The following ZNF385D variants were observed in gnomAD, a reference collection of about 807,000 sequenced individuals.
ZNF385D encodes zinc finger protein 385D, also known as zinc finger protein 659.
Under a neutral mutation model 35.8 loss-of-function variants are expected in ZNF385D, and 15 were observed. The observed-to-expected ratio is 0.42, with a 90% CI of 0.28 to 0.64. The LOEUF (loss-of-function observed/expected upper bound fraction) is 0.64, where lower values mean the gene tolerates loss of function less well. Ranked by LOEUF, ZNF385D falls within the 30% of genes least tolerant of loss-of-function variation. The pLI is 0.23. For missense variants in ZNF385D, 474 were observed against 494.6 expected, an observed-to-expected ratio of 0.96 and a Z score of 0.39; for synonymous variants, 212 against 186.8, an observed-to-expected ratio of 1.13 and a Z score of -1.10.
intron 2 of ZNF385D, among the ~76,000 whole-genome samples, chr3:22,214,666 G>A (rs1216627735): frequency 6.6e-6 from 1 of 151,966 alleles, no homozygotes; most frequent in East Asian, 1.9e-4. Context: ...ATAAGCCCCA[G>A]TCTCCCATAG....
intron 2 of ZNF385D, among the ~76,000 whole-genome samples, chr3:22,306,746 G>A (rs1035231783): frequency 6.6e-6 from 1 of 152,106 alleles, no homozygotes; most frequent in Non-Finnish European, 1.5e-5. Flanking sequence ...TAATTAGCTG[G>A]GTATGGAGTA....
At chr3:21,497,846 C>T (rs1706030089) in intron 4 of ZNF385D, among the ~76,000 whole-genome samples, 1 of 152,006 alleles carries the variant, frequency 6.6e-6, no homozygotes, top group South Asian at 2.1e-4. Context: ...GAGACGCTGT[C>T]TCAAAAATAT....
intron 3 of ZNF385D, among the ~76,000 whole-genome samples, chr3:22,043,368 T>C (rs1215538779): frequency 6.6e-6 from 1 of 152,160 alleles, no homozygotes; most frequent in African/African-American, 2.4e-5. Context: ...TTAATTATTT[T>C]TTAACGTACT....
intron 4 of ZNF385D, among the ~76,000 whole-genome samples, chr3:21,504,646 G>A (rs1215797851): frequency 6.6e-6 from 1 of 152,124 alleles, no homozygotes; most frequent in Admixed American, 6.6e-5. Context: ...AACTAGAAAG[G>A]AATTGGTTTT....
intron 3 of ZNF385D, among the ~76,000 whole-genome samples, chr3:21,814,282 C>A (rs1457880087): frequency 6.6e-6 from 1 of 152,180 alleles, no homozygotes; most frequent in Non-Finnish European, 1.5e-5. Flanking sequence ...TAGGAAGAAA[C>A]TGCATCAACT....
chr3:21,821,965 C>CAAAAAAA (rs34222360), intron 3 of ZNF385D, among the ~76,000 whole-genome samples: 5 of 108,462 alleles, frequency 4.6e-5, no homozygotes, highest in African/African-American at 1.5e-4. Context: ...GACCTTGTCT[C>CAAAAAAA]AAAAAAAAAA....
intron 3 of ZNF385D, among the ~76,000 whole-genome samples, chr3:21,879,965 TAG>T (rs1357933216): frequency 6.6e-6 from 1 of 151,906 alleles, no homozygotes; most frequent in African/African-American, 2.4e-5. Context: ...TCCACCAAAT[TAG>T]AGTCTGGCCA....
chr3:22,283,112 G>A (rs532035668), intron 2 of ZNF385D, among the ~76,000 whole-genome samples: 17 of 152,014 alleles, frequency 1.1e-4, no homozygotes, highest in African/African-American at 3.6e-4. Flanking sequence ...AATGATAAAG[G>A]ACTAGTCCAA....
chr3:21,631,246 C>A (rs2065272846), intron 2 of ZNF385D, among the ~76,000 whole-genome samples: 1 of 152,094 alleles, frequency 6.6e-6, no homozygotes, highest in South Asian at 2.1e-4. Flanking sequence ...TGTTTCCTTG[C>A]AGACTTGGTC....
chr3:22,039,466 C>A (rs1576206655), intron 3 of ZNF385D, among the ~76,000 whole-genome samples: 1 of 152,158 alleles, frequency 6.6e-6, no homozygotes, highest in African/African-American at 2.4e-5. Context: ...CTCCAGTCTA[C>A]CATTCCAGCC....
chr3:21,739,670 C>T (rs1044801948), intron 1 of ZNF385D, among the ~76,000 whole-genome samples: 9 of 152,292 alleles, frequency 5.9e-5, no homozygotes, highest in Middle Eastern at 3.4e-3. Context: ...CCCATCATAA[C>T]AAGGGCAGGA....
intron 3 of ZNF385D, among the ~76,000 whole-genome samples, chr3:22,037,178 G>T (rs1233203664): frequency 1.3e-5 from 2 of 151,570 alleles, no homozygotes; most frequent in African/African-American, 4.8e-5. Flanking sequence ...ACATACGTGT[G>T]CATGTGTCTT....
rs1287149818 is a variant in ZNF385D, at chr3:22,078,524, G to A, written c.325+90293C>T. 4.6e-5 allele frequency among the ~76,000 whole-genome samples: 7 copies of A among 152,164 alleles called. 1 individual carries two copies. Among genetic ancestry groups the A allele is most frequent in the Middle Eastern group, 3.4e-3 (1 of 294 alleles). On this transcript the variant is annotated intron_variant, in intron 3 of 5. Coordinates refer to the ZNF385D transcript ENST00000494108. ...AAGTCTCAAAGTTCACAGATGAGAG[G>A]ATTTTGCAACACTGTATGAAGAAAA...
At chr3:22,194,028 T>A (rs563909702) in intron 2 of ZNF385D, among the ~76,000 whole-genome samples, 14 of 151,982 alleles carry the variant, frequency 9.2e-5, no homozygotes, top group African/African-American at 3.4e-4. Flanking sequence ...GATTAGGAGG[T>A]AGAACACTTC....
intron 2 of ZNF385D, among the ~76,000 whole-genome samples, chr3:21,640,648 C>A (rs1298140238): frequency 6.6e-6 from 1 of 152,130 alleles, no homozygotes; most frequent in Non-Finnish European, 1.5e-5. Flanking sequence ...TTGCCAAACA[C>A]AGAATCTGCT....
At chr3:21,613,726 G>T (rs2064757531) in intron 2 of ZNF385D, among the ~76,000 whole-genome samples, 1 of 152,210 alleles carries the variant, frequency 6.6e-6, no homozygotes, top group Non-Finnish European at 1.5e-5. Context: ...GGGGTTGAAA[G>T]TTGGAGCTAA....
intron 4 of ZNF385D, among the ~76,000 whole-genome samples, chr3:21,476,705 A>G (rs542234533): frequency 6.6e-6 from 1 of 152,268 alleles, no homozygotes; most frequent in African/African-American, 2.4e-5. Flanking sequence ...CAGAATTAAA[A>G]TAGAACCTTT....
chr3:22,311,216 T>C (rs938871557), intron 2 of ZNF385D, among the ~76,000 whole-genome samples: 1 of 152,050 alleles, frequency 6.6e-6, no homozygotes, highest in Non-Finnish European at 1.5e-5. Flanking sequence ...TATAAATTAT[T>C]ACATGAATGC....
At chr3:22,343,965 C>T (rs1695536833) in intron 2 of ZNF385D, among the ~76,000 whole-genome samples, 1 of 152,082 alleles carries the variant, frequency 6.6e-6, no homozygotes, top group Admixed American at 6.5e-5. Flanking sequence ...ACTATTTTGA[C>T]TTCTCTCTTA....
Sources: gnomAD v4.1 joint callset for allele counts (sites outside exome capture counted in the v4.1 genomes callset) on GRCh38, gnomAD v4.1.1 for gene constraint, MANE v1.5 for transcripts, NCBI Gene and HGNC (gene_info 2026-07-23, HGNC 2026-07-21) for gene names.